The following SLC24A2 variants were observed in gnomAD, a reference collection of about 807,000 sequenced individuals.
SLC24A2 encodes the protein solute carrier family 24 member 2, also known as sodium/potassium/calcium exchanger 2.
SLC24A2 carries 36 observed loss-of-function variants against 62.0 expected under a neutral mutation model. That is an observed-to-expected ratio of 0.58 (90% CI 0.44 to 0.77). SLC24A2 has a LOEUF of 0.77. SLC24A2 is among the 30% of genes least tolerant of loss of function. The pLI, the probability that SLC24A2 is intolerant of heterozygous loss-of-function variation, is 0.00. For missense variants in SLC24A2, 846 were observed against 817.9 expected, an observed-to-expected ratio of 1.03 and a Z score of -0.42; for synonymous variants, 358 against 294.0, an observed-to-expected ratio of 1.22 and a Z score of -2.23.
chr9:20,030,699 A>G, the SLC24A2 span, among the ~76,000 whole-genome samples: 2 of 152,188 alleles, frequency 1.3e-5, no homozygotes, highest in African/African-American at 4.8e-5. Context: ...TGTAAATACT[A>G]CCTCATTTAA....
chr9:19,629,577 G>A (rs1043033813), intron 2 of SLC24A2, among the ~76,000 whole-genome samples: 7 of 152,092 alleles, frequency 4.6e-5, no homozygotes, highest in African/African-American at 9.7e-5. Flanking sequence ...CCTTCAGAAC[G>A]GCATAGATTT....
At chr9:20,015,178 C>T in the SLC24A2 span, among the ~76,000 whole-genome samples, 1 of 152,148 alleles carries the variant, frequency 6.6e-6, no homozygotes. Flanking sequence ...TATAATACAG[C>T]TGTTGCTTCT....
intron 2 of SLC24A2, among the ~76,000 whole-genome samples, chr9:19,665,777 G>T (rs951963573): frequency 6.6e-6 from 1 of 151,942 alleles, no homozygotes; most frequent in Non-Finnish European, 1.5e-5. Flanking sequence ...ACCATGCCTG[G>T]TTAATTTGTG....
chr9:20,205,169 C>T, the SLC24A2 span, among the ~76,000 whole-genome samples: 3 of 152,092 alleles, frequency 2.0e-5, no homozygotes, highest in Non-Finnish European at 4.4e-5. Context: ...TCTTAATAAA[C>T]ACACTTTTTA....
rs77243021 is a variant in SLC24A2 at position 19,530,766 on chromosome 9, G to T, written c.1480-2628C>A. Among the ~76,000 whole-genome samples, 2,079 of 152,162 alleles carry T rather than the reference G, an allele frequency of 0.014. 218 individuals carry two copies. The East Asian group carries it at 0.26, about 19-fold the overall frequency. On this transcript the variant is annotated intron_variant, in intron 8 of 10. Transcript: ENST00000341998. ...CGAACCATACCTAATGTTGCATTAG[G>T]GGCTCAATGAAGAAGGCTAAAAATA...
At chr9:19,728,278 G>C (rs550986855) in intron 2 of SLC24A2, among the ~76,000 whole-genome samples, 5 of 151,602 alleles carry the variant, frequency 3.3e-5, no homozygotes, top group East Asian at 1.9e-4. Flanking sequence ...TCGTATGACT[G>C]GCATTTTTAA....
the SLC24A2 span, among the ~76,000 whole-genome samples, chr9:20,137,564 A>C: frequency 6.6e-6 from 1 of 152,240 alleles, no homozygotes; most frequent in Non-Finnish European, 1.5e-5. Context: ...TGTGAACTAG[A>C]TATGAAAGTA....
At chr9:20,074,555 CAGGAAGGA>C in the SLC24A2 span, among the ~76,000 whole-genome samples, 493 of 87,340 alleles carry the variant, frequency 5.6e-3, 2 homozygotes, top group Non-Finnish European at 7.1e-3. Context: ...GAGAAGAAGG[CAGGAAGGA>C]AGGAAGGAAG....
chr9:19,771,031 G>A (rs960017448), intron 2 of SLC24A2, among the ~76,000 whole-genome samples: 6 of 152,144 alleles, frequency 3.9e-5, no homozygotes, highest in African/African-American at 1.4e-4. Context: ...TCTAAGCAAT[G>A]TTTTATTAAA....
At chr9:20,240,122 G>A in the SLC24A2 span, among the ~76,000 whole-genome samples, 1 of 152,166 alleles carries the variant, frequency 6.6e-6, no homozygotes, top group African/African-American at 2.4e-5. Flanking sequence ...TGTCTCTGGG[G>A]CCTGGTGGGT....
chr9:20,193,772 T>C, the SLC24A2 span, among the ~76,000 whole-genome samples: 1 of 152,136 alleles, frequency 6.6e-6, no homozygotes, highest in East Asian at 1.9e-4. Flanking sequence ...GTGTATCTAC[T>C]GAAAGTTATT....
At chr9:19,806,105 G>A in the SLC24A2 span, among the ~76,000 whole-genome samples, 1 of 152,190 alleles carries the variant, frequency 6.6e-6, no homozygotes, top group African/African-American at 2.4e-5. Context: ...ACTAAAAAGA[G>A]TTAATTTTAT....
the SLC24A2 span, among the ~76,000 whole-genome samples, chr9:20,080,966 A>T: frequency 1.3e-5 from 2 of 152,308 alleles, no homozygotes; most frequent in Non-Finnish European, 2.9e-5. Context: ...ATCATTAAAA[A>T]GTCAGGAAAC....
chr9:19,869,164 G>A, the SLC24A2 span, among the ~76,000 whole-genome samples: 2 of 151,914 alleles, frequency 1.3e-5, no homozygotes, highest in African/African-American at 2.4e-5. Context: ...TATTATTAGT[G>A]GAGATGAGGT....
chr9:19,556,856 G>A (rs924890546), intron 7 of SLC24A2, among the ~76,000 whole-genome samples: 1 of 152,194 alleles, frequency 6.6e-6, no homozygotes, highest in African/African-American at 2.4e-5. Context: ...TTTGTCTCCT[G>A]GGATGTTTTA....
the SLC24A2 span, among the ~76,000 whole-genome samples, chr9:20,065,294 G>A: frequency 6.6e-6 from 1 of 152,182 alleles, no homozygotes; most frequent in Non-Finnish European, 1.5e-5. Context: ...CAAGACAAAG[G>A]GTCTCACTTG....
the SLC24A2 span, among the ~76,000 whole-genome samples, chr9:20,257,922 T>C: frequency 3.5e-4 from 54 of 152,252 alleles, no homozygotes; most frequent in East Asian, 9.5e-3. Context: ...ATGGAGTCTG[T>C]GTGTAAACAG....
the SLC24A2 span, among the ~76,000 whole-genome samples, chr9:20,188,252 T>TG: frequency 6.6e-6 from 1 of 152,190 alleles, no homozygotes. Context: ...AGTGGACCCC[T>TG]GGTTTCCTTG....
the SLC24A2 span, among the ~76,000 whole-genome samples, chr9:20,252,020 C>G: frequency 2.6e-5 from 4 of 152,194 alleles, no homozygotes; most frequent in African/African-American, 7.2e-5. Context: ...CTGCCCATTC[C>G]TAGACCAATC....
Sources: allele counts gnomAD v4.1 joint callset (sites outside exome capture counted in the v4.1 genomes callset), GRCh38; gene constraint gnomAD v4.1.1; transcripts MANE v1.5; gene names NCBI Gene and HGNC (gene_info 2026-07-23, HGNC 2026-07-21).